RAP1GAP: variants seen among roughly 807,000 people sequenced by gnomAD.
RAP1GAP encodes rap1 GTPase-activating protein 1.
In RAP1GAP, 35 loss-of-function variants were observed where a neutral mutation model predicts 87.2. The ratio of observed to expected loss-of-function variants is 0.40; its 90% CI spans 0.31 to 0.53. The LOEUF is 0.53. Among genes scored for constraint, RAP1GAP ranks in the 20% least tolerant of loss-of-function variants. RAP1GAP has a pLI of 0.48. For synonymous variants in RAP1GAP, 375 were observed against 363.9 expected (o/e 1.03, Z -0.35); for missense variants, 734 against 898.9 (o/e 0.82, Z 2.35).
At chr1:21,655,105 A>G (rs72660349) in intron 1 of RAP1GAP, among the ~76,000 whole-genome samples, 11,473 of 151,432 alleles carry the variant, frequency 0.076, 573 homozygotes, top group East Asian at 0.24. Context: ...AGGCCACTGC[A>G]TTCCACCCTG....
intron 13 of RAP1GAP, 111 bp from the exon 14 acceptor site, chr1:21,610,386 G>T: frequency 8.6e-7 from 1 of 1,160,706 alleles, no homozygotes; most frequent in Non-Finnish European, 1.2e-6. Context: ...CACATCTAAG[G>T]ATTTGCTTTC....
chr1:21,630,118 G>C (rs1201023148), intron 2 of RAP1GAP, among the ~76,000 whole-genome samples: 1 of 152,174 alleles, frequency 6.6e-6, no homozygotes, highest in East Asian at 1.9e-4. Context: ...AAGACACAGA[G>C]AGGTTAAGTA....
At chr1:21,628,428 A>T (rs2092919995) in intron 2 of RAP1GAP, among the ~76,000 whole-genome samples, 1 of 119,292 alleles carries the variant, frequency 8.4e-6, no homozygotes, top group Non-Finnish European at 1.9e-5. Context: ...AAAAAAAAAA[A>T]AAAAATACAG....
Position 21,605,200 on chromosome 1 carries a change from G to A in RAP1GAP, c.1428+866C>T, listed in dbSNP as rs2073524888. 1.3e-5 allele frequency among the ~76,000 whole-genome samples: 2 copies of A among 152,158 alleles called. 1 individual carries two copies. The highest frequency in any genetic ancestry group is 4.1e-4 in the South Asian group (2 of 4,834). On this transcript the variant is annotated intron_variant, in intron 18 of 24. Coordinates refer to ENST00000374765, the MANE Select transcript of RAP1GAP (RefSeq NM_002885.4). Reference sequence around the variant, plus strand: ...ATGTGCCCAGCACTCCTGAGTGTGAGCAGCAGAATCCCAGAACCTGGACAA... The same window carrying A: ...ATGTGCCCAGCACTCCTGAGTGTGAACAGCAGAATCCCAGAACCTGGACAA...
At chr1:21,614,336 G>A (rs1260549104) in intron 7 of RAP1GAP, among the ~76,000 whole-genome samples, 1 of 152,218 alleles carries the variant, frequency 6.6e-6, no homozygotes, top group African/African-American at 2.4e-5. Context: ...CAAATAGGAG[G>A]GAACCCTGTA....
rs761078173 is a variant in RAP1GAP at position 21,606,050 on chromosome 1, G to T, written c.1428+16C>A. Reference sequence around the variant, plus strand: ...CCAGGGAGGGGCCGGGGCCTGGGGAGGGGGAGGGCACTCACTATTCCAGCC... The same window carrying T: ...CCAGGGAGGGGCCGGGGCCTGGGGATGGGGAGGGCACTCACTATTCCAGCC... On this transcript the variant is annotated intron_variant, in intron 18 of 24. Coordinates refer to ENST00000374765, the MANE Select transcript of RAP1GAP (RefSeq NM_002885.4). 3.2e-6 allele frequency: 5 copies of T among 1,569,802 alleles called. No individual in the cohort carries two copies. Among genetic ancestry groups the T allele is most frequent in the East Asian group, 2.3e-5 (1 of 43,476 alleles).
At chr1:21,649,039 A>C (rs2096339194) in intron 2 of RAP1GAP, among the ~76,000 whole-genome samples, 1 of 152,138 alleles carries the variant, frequency 6.6e-6, no homozygotes, top group African/African-American at 2.4e-5. Context: ...CTGGAGGTGA[A>C]GCAGCAGCAG....
chr1:21,596,460 TG>T lies in RAP1GAP; in HGVS notation c.*838del, dbSNP rs1645254826. On this transcript the variant is annotated 3_prime_UTR_variant, in exon 25 of 25. Transcript: ENST00000374765. Reference sequence around the variant, plus strand: ...GACTCTTGGCCTGGAGGGCCCAGCATGGGATGGCAGGGGTTAAGCTGGGTGC... The same window carrying T: ...GACTCTTGGCCTGGAGGGCCCAGCATGGATGGCAGGGGTTAAGCTGGGTGC... 6.6e-6 allele frequency: 1 copy of T among 152,318 alleles called. No homozygotes were observed. Among genetic ancestry groups the T allele is most frequent in the Non-Finnish European group, 1.5e-5 (1 of 68,122 alleles). 9.4% of individuals were successfully genotyped at this position (152,318 alleles called of 1,614,324 possible). A position where few individuals can be genotyped will look rare whatever the true frequency, so the allele number is the denominator to read the frequency against.
At chr1:21,628,626 A>G (rs959765162) in intron 2 of RAP1GAP, among the ~76,000 whole-genome samples, 4 of 152,160 alleles carry the variant, frequency 2.6e-5, no homozygotes, top group African/African-American at 9.7e-5. Flanking sequence ...AGGCTGAGGC[A>G]GGAGAATCGC....
intron 1 of RAP1GAP, among the ~76,000 whole-genome samples, chr1:21,660,091 G>A (rs1304694394): frequency 6.6e-6 from 1 of 151,634 alleles, no homozygotes; most frequent in Non-Finnish European, 1.5e-5. Context: ...TAGGATGCGG[G>A]CATGGAGCCT....
chr1:21,656,151 G>C (rs538733049), intron 1 of RAP1GAP, among the ~76,000 whole-genome samples: 4 of 152,298 alleles, frequency 2.6e-5, no homozygotes, highest in Non-Finnish European at 5.9e-5. Context: ...CCTAACAGTG[G>C]GCTGGGCGCG....
intron 13 of RAP1GAP, 95 bp downstream of exon 13, chr1:21,611,357 G>A: frequency 1.4e-6 from 2 of 1,460,310 alleles, no homozygotes; most frequent in South Asian, 1.3e-5. Context: ...CCATCCCAGG[G>A]CCCAGCGCTG....
In RAP1GAP at chr1:21,658,008, G is replaced by A. The variant is rs184820664; in HGVS notation, c.-148-8212C>T. ...GGTGGTTTCAGTCCTCAGAAATGAC[G>A]GGGTCGCCACTGTCATTCAGTGGGT... is the stretch of plus-strand genomic sequence containing the variant. On this transcript the variant is annotated intron_variant, in intron 1 of 24. Transcript: ENST00000374765. Among the ~76,000 whole-genome samples the A allele has an allele frequency of 2.2e-4, 34 of 152,276 alleles. No homozygotes were observed. In the East Asian group the frequency reaches 4.6e-3, roughly 21 times the overall value.
intron 1 of RAP1GAP, among the ~76,000 whole-genome samples, chr1:21,655,006 G>A (rs1370724073): frequency 6.6e-6 from 1 of 151,984 alleles, no homozygotes; most frequent in Non-Finnish European, 1.5e-5. Flanking sequence ...CGGGCATGGT[G>A]GTTGGCACCT....
chr1:21,647,991 G>A (rs763574201), intron 2 of RAP1GAP, among the ~76,000 whole-genome samples: 1 of 152,192 alleles, frequency 6.6e-6, no homozygotes, highest in African/African-American at 2.4e-5. Flanking sequence ...GCCCTTGAAT[G>A]CCAGGAGATC....
rs1346382070 is a variant in RAP1GAP, at chr1:21,625,999, G to C, written c.-19+305C>G. Among the ~76,000 whole-genome samples the C allele has an allele frequency of 3.9e-5, 6 of 152,294 alleles. No individual in the cohort carries two copies. In the East Asian group the frequency reaches 1.2e-3, roughly 29 times the overall value. On this transcript the variant is annotated intron_variant, in intron 3 of 24. Transcript: ENST00000374765. ...CACCTGGTTTACAGATAAGGAGACT[G>C]ATGGTGACGTTGATTGTGGAGATGA...
chr1:21,632,772 A>AGTG (rs74314900), intron 2 of RAP1GAP, among the ~76,000 whole-genome samples: 66,102 of 151,454 alleles, frequency 0.44, 16,037 homozygotes, highest in Admixed American at 0.55. Context: ...GCAGTGGCTC[A>AGTG]CACCTATAGT....
At chr1:21,658,130 G>A (rs2096937991) in intron 1 of RAP1GAP, among the ~76,000 whole-genome samples, 1 of 152,202 alleles carries the variant, frequency 6.6e-6, no homozygotes, top group Non-Finnish European at 1.5e-5. Context: ...AAAAGCCCGG[G>A]TAACCCATCC....
intron 19 of RAP1GAP, 21 bp downstream of exon 19, chr1:21,602,783 C>T (rs1312536231): frequency 3.8e-6 from 6 of 1,575,116 alleles, no homozygotes; most frequent in Non-Finnish European, 5.2e-6. Flanking sequence ...GGGAATGGGG[C>T]ACTGTCCCCC....
Sources: gnomAD v4.1 joint callset for allele counts (sites outside exome capture counted in the v4.1 genomes callset) on GRCh38, gnomAD v4.1.1 for gene constraint, MANE v1.5 for transcripts, NCBI Gene and HGNC (gene_info 2026-07-23, HGNC 2026-07-21) for gene names.